MICU1: variants seen among roughly 807,000 people sequenced by gnomAD.
MICU1 encodes calcium uptake protein 1, mitochondrial.
Under a neutral mutation model 56.8 loss-of-function variants are expected in MICU1, and 45 were observed. That is an observed-to-expected ratio of 0.79 (90% CI 0.62 to 1.02). The LOEUF (loss-of-function observed/expected upper bound fraction) is 1.02, where lower values mean the gene tolerates loss of function less well. MICU1 is among the 50% of genes least tolerant of loss of function. The pLI is 0.00. For missense variants in MICU1, 504 were observed against 587.1 expected (o/e 0.86, Z 1.46); for synonymous variants, 186 against 195.1 (o/e 0.95, Z 0.39).
intron 6 of MICU1, among the ~76,000 whole-genome samples, chr10:72,494,029 T>C (rs1045107118): frequency 1.2e-4 from 18 of 152,158 alleles, no homozygotes; most frequent in Admixed American, 1.0e-3. Flanking sequence ...GGAGGAAAAT[T>C]GCCTCTTCAA....
intron 5 of MICU1, among the ~76,000 whole-genome samples, chr10:72,530,342 A>AATT (rs1169554287): frequency 1.7e-5 from 2 of 115,762 alleles, no homozygotes; most frequent in Non-Finnish European, 3.2e-5. Flanking sequence ...TCAAAATAAT[A>AATT]ATAATAATAA....
intron 10 of MICU1, among the ~76,000 whole-genome samples, chr10:72,388,580 G>A (rs1862967500): frequency 6.6e-6 from 1 of 151,832 alleles, no homozygotes; most frequent in South Asian, 2.1e-4. Flanking sequence ...CAATTGTAGG[G>A]GAAAAAAAGG....
chr10:72,473,705 T>C (rs184699900), intron 8 of MICU1, among the ~76,000 whole-genome samples: 184 of 152,190 alleles, frequency 1.2e-3, no homozygotes, highest in Non-Finnish European at 2.1e-3. Flanking sequence ...AGAAAGTGGC[T>C]CTAGGGGGAA....
intron 10 of MICU1, among the ~76,000 whole-genome samples, chr10:72,381,281 T>C (rs7903091): frequency 0.56 from 84,358 of 151,982 alleles, 24,358 homozygotes; most frequent in Non-Finnish European, 0.65. Flanking sequence ...TGACTGGTGA[T>C]GGCCAAGGTT....
At chr10:72,620,731 A>C (rs752706950) in intron 1 of MICU1, among the ~76,000 whole-genome samples, 2 of 152,268 alleles carry the variant, frequency 1.3e-5, no homozygotes, top group East Asian at 1.9e-4. Flanking sequence ...CTTGCCTCAT[A>C]AACAGAACTA....
At chr10:72,417,248 C>A (rs574947897) in intron 9 of MICU1, among the ~76,000 whole-genome samples, 1 of 152,012 alleles carries the variant, frequency 6.6e-6, no homozygotes, top group Admixed American at 6.6e-5. Flanking sequence ...GTCAGGAGAT[C>A]GAGACCATCC....
chr10:72,437,915 A>G (rs1037229676), intron 8 of MICU1, among the ~76,000 whole-genome samples: 1 of 152,216 alleles, frequency 6.6e-6, no homozygotes, highest in Non-Finnish European at 1.5e-5. Context: ...TTAGAGACCT[A>G]CAAAGAGACC....
intron 1 of MICU1, among the ~76,000 whole-genome samples, chr10:72,620,596 T>A (rs1265135907): frequency 2.0e-5 from 3 of 152,176 alleles, no homozygotes; most frequent in African/African-American, 7.2e-5. Flanking sequence ...ACACTAAAGT[T>A]TCAATTTTCT....
chr10:72,584,786 C>A (rs1434204819), intron 1 of MICU1, among the ~76,000 whole-genome samples: 3 of 152,088 alleles, frequency 2.0e-5, no homozygotes, highest in African/African-American at 7.2e-5. Flanking sequence ...AAGTGATCTG[C>A]CTACCTCAGC....
chr10:72,430,008 G>T (rs1864474451), intron 8 of MICU1, among the ~76,000 whole-genome samples: 1 of 152,138 alleles, frequency 6.6e-6, no homozygotes, highest in African/African-American at 2.4e-5. Context: ...AATCATGTTT[G>T]CCTTTTTATC....
At chr10:72,383,797 CT>C (rs1478393993) in intron 10 of MICU1, among the ~76,000 whole-genome samples, 2 of 151,828 alleles carry the variant, frequency 1.3e-5, no homozygotes, top group Non-Finnish European at 2.9e-5. Flanking sequence ...TTACAAGTGT[CT>C]TTTTTGTTTG....
chr10:72,599,680 CCCTTCTTTCTTCCTTCCTTACTTCCTG>C lies in MICU1; in HGVS notation c.-2+26303_-2+26329del, dbSNP rs201994817. The stretch of plus-strand genomic sequence containing the variant: ...CCAAAACCTGCCTCCATCCTTCCCT[CCCTTCTTTCTTCCTTCCTTACTTCCTG>C]CCTTCTTTCTTCCTTCCTTCCTCTT... On this transcript the variant is annotated intron_variant, in intron 1 of 11. Coordinates refer to ENST00000361114, the MANE Select transcript of MICU1 (RefSeq NM_001195518.2). Among the ~76,000 whole-genome samples, 12 of 152,284 alleles carry C rather than the reference CCCTTCTTTCTTCCTTCCTTACTTCCTG, an allele frequency of 7.9e-5. 1 individual carries two copies. In the East Asian group the frequency reaches 2.3e-3, roughly 29 times the overall value.
chr10:72,569,237 A>ATATATATATTTTTTTTTTT, intron 1 of MICU1, among the ~76,000 whole-genome samples: 1 of 34,392 alleles, frequency 2.9e-5, no homozygotes, highest in Non-Finnish European at 5.1e-5. Flanking sequence ...ATATATATAT[A>ATATATATATTTTTTTTTTT]TTTTTTTTTT....
intron 5 of MICU1, chr10:72,532,889 AGGATAT>A (rs1839526296): frequency 8.5e-7 from 1 of 1,171,266 alleles, no homozygotes; most frequent in Non-Finnish European, 1.1e-6. Context: ...CCACCTTACC[AGGATAT>A]GGACTTTTAT....
At chr10:72,563,775 A>G (rs988960058) in intron 2 of MICU1, among the ~76,000 whole-genome samples, 6 of 152,194 alleles carry the variant, frequency 3.9e-5, no homozygotes, top group African/African-American at 1.2e-4. Context: ...CTTCCAGTAC[A>G]AAAACTAAAT....
chr10:72,605,161 A>G (rs1841652708), intron 1 of MICU1, among the ~76,000 whole-genome samples: 1 of 152,168 alleles, frequency 6.6e-6, no homozygotes, highest in Non-Finnish European at 1.5e-5. Context: ...ATGACAACGA[A>G]AACAACCTAC....
chr10:72,516,242 A>C (rs1191442042), intron 5 of MICU1, among the ~76,000 whole-genome samples: 1 of 152,122 alleles, frequency 6.6e-6, no homozygotes, highest in Non-Finnish European at 1.5e-5. Context: ...CCTTCTTTTG[A>C]GAAGTGTCTG....
chr10:72,541,702 C>G (rs1839776893), intron 4 of MICU1, among the ~76,000 whole-genome samples: 1 of 152,116 alleles, frequency 6.6e-6, no homozygotes, highest in Admixed American at 6.5e-5. Flanking sequence ...AACTCCTGTC[C>G]TTCTACTTGG....
intron 5 of MICU1, among the ~76,000 whole-genome samples, chr10:72,528,530 C>G (rs2132399693): frequency 6.6e-6 from 1 of 152,242 alleles, no homozygotes; most frequent in African/African-American, 2.4e-5. Flanking sequence ...AAAGACATGG[C>G]TAATTAACAA....
Sources: allele counts gnomAD v4.1 joint callset (sites outside exome capture counted in the v4.1 genomes callset), GRCh38; gene constraint gnomAD v4.1.1; transcripts MANE v1.5; gene names NCBI Gene and HGNC (gene_info 2026-07-23, HGNC 2026-07-21).